Variants in CD96 observed in about 807,000 individuals in gnomAD.
The protein encoded by CD96 is CD96 molecule.
A neutral mutation model predicts 71.3 loss-of-function variants in CD96; 70 were observed. The observed-to-expected ratio is 0.98, with a 90% CI of 0.81 to 1.20. The LOEUF is 1.20. Among genes scored for constraint, CD96 ranks in the 50% most tolerant of loss-of-function variants. CD96 has a pLI of 0.00. For missense variants in CD96, 742 were observed against 677.5 expected (o/e 1.10, Z -1.06); for synonymous variants, 248 against 233.0 (o/e 1.06, Z -0.59).
intron 14 of CD96, among the ~76,000 whole-genome samples, chr3:111,664,176 A>G (rs1940425726): frequency 8.5e-6 from 1 of 117,750 alleles, no homozygotes; most frequent in South Asian, 3.0e-4. Flanking sequence ...TACCCAAAGG[A>G]AAATAAATTA....
In CD96 at chr3:111,663,752, C is replaced by CTTTT. The variant is rs57510798; in HGVS notation, c.*53-1764_*53-1761dup. On this transcript the variant is annotated intron_variant and NMD_transcript_variant, in intron 14 of 14. Transcript: ENST00000494798. The stretch of plus-strand genomic sequence containing the variant: ...TGTGAAGAAAAGAAATGCTTATACA[C>CTTTT]TTTTTTTTTTTTTTGAGATGGAGTC... 1.5e-3 allele frequency among the ~76,000 whole-genome samples: 214 copies of CTTTT among 143,084 alleles called. 8 individuals are homozygous for CTTTT. Among genetic ancestry groups the CTTTT allele is most frequent in the Non-Finnish European group, 2.3e-3 (149 of 66,116 alleles). The allele number at this position is 143,084 out of a possible 152,430, so 93.9% of individuals were successfully genotyped here.
At chr3:111,583,757 G>A (rs1343602547) in intron 4 of CD96, among the ~76,000 whole-genome samples, 1 of 152,184 alleles carries the variant, frequency 6.6e-6, no homozygotes, top group Non-Finnish European at 1.5e-5. Flanking sequence ...GGGACACAGG[G>A]CACCAAGTCC....
At chr3:111,602,836 C>T (rs1410570494) in intron 7 of CD96, among the ~76,000 whole-genome samples, 4 of 152,220 alleles carry the variant, frequency 2.6e-5, no homozygotes, top group South Asian at 4.2e-4. Flanking sequence ...ATTAGAGAAA[C>T]GCTAAGAATA....
At chr3:111,549,246 C>A (rs1934571652) in intron 2 of CD96, among the ~76,000 whole-genome samples, 1 of 150,412 alleles carries the variant, frequency 6.6e-6, no homozygotes, top group Non-Finnish European at 1.5e-5. Flanking sequence ...CAGAGCTTTA[C>A]AAAGAACAGG....
chr3:111,620,434 C>T (rs1328094702), intron 8 of CD96, among the ~76,000 whole-genome samples: 1 of 152,132 alleles, frequency 6.6e-6, no homozygotes, highest in African/African-American at 2.4e-5. Flanking sequence ...TAACCTTGAA[C>T]CACAGTGTAA....
At chr3:111,629,027 A>G (rs1357340155) in intron 10 of CD96, among the ~76,000 whole-genome samples, 2 of 152,214 alleles carry the variant, frequency 1.3e-5, no homozygotes, top group Admixed American at 1.3e-4. Context: ...TAAAAATGGA[A>G]AGGAAAGACC....
chr3:111,563,164 G>C (rs1935540441), intron 2 of CD96, among the ~76,000 whole-genome samples: 1 of 152,178 alleles, frequency 6.6e-6, no homozygotes, highest in Non-Finnish European at 1.5e-5. Context: ...ACCTCCCAAA[G>C]GTTCCACCTT....
At chr3:111,606,661 A>G in intron 7 of CD96, 39 bp from the exon 8 acceptor site, 1 of 969,328 alleles carries the variant, frequency 1.0e-6, no homozygotes, top group Non-Finnish European at 1.7e-6. Context: ...TTTGATTACA[A>G]TATTTTGTTC....
rs1377235205 is a variant in CD96 at position 111,606,808 on chromosome 3, C to T, written c.1180+16C>T. On this transcript the variant is annotated intron_variant, in intron 8 of 13. Coordinates refer to ENST00000352690, the MANE Select transcript of CD96 (RefSeq NM_005816.5). ...TCTCCTGCAAGTAAGAATGTTTTCA[C>T]ACTGAGCTATTGATTTAACCAAGCA... 3.7e-6 allele frequency: 5 copies of T among 1,365,832 alleles called. No homozygotes were observed. The allele number at this position is 1,365,832 out of a possible 1,614,324, so 84.6% of individuals were successfully genotyped here. A position where few individuals can be genotyped will look rare whatever the true frequency, so the allele number is the denominator to read the frequency against.
intron 2 of CD96, among the ~76,000 whole-genome samples, chr3:111,566,093 G>A (rs1188623147): frequency 6.7e-6 from 1 of 150,020 alleles, no homozygotes; most frequent in African/African-American, 2.4e-5. Flanking sequence ...TCCTTGATCA[G>A]AAAGACTATA....
At chr3:111,572,327 T>C (rs1936018545) in intron 3 of CD96, among the ~76,000 whole-genome samples, 1 of 152,204 alleles carries the variant, frequency 6.6e-6, no homozygotes, top group East Asian at 1.9e-4. Flanking sequence ...TGCAGTAAGC[T>C]CTCTTACCTC....
At chr3:111,571,063 G>T in intron 3 of CD96, 1 of 990,162 alleles carries the variant, frequency 1.0e-6, no homozygotes, top group Non-Finnish European at 1.6e-6. Context: ...AGGCTGTGGG[G>T]TAGGAGGTAG....
chr3:111,599,222 C>A (rs943267112), intron 6 of CD96, among the ~76,000 whole-genome samples: 1 of 152,130 alleles, frequency 6.6e-6, no homozygotes, highest in African/African-American at 2.4e-5. Flanking sequence ...CCCGCCTCAG[C>A]CTCCCAAAGT....
intron 10 of CD96, among the ~76,000 whole-genome samples, chr3:111,628,584 A>C (rs1424175002): frequency 6.6e-6 from 1 of 152,174 alleles, no homozygotes. Context: ...AATGGAACCA[A>C]CTTGGAAAAC....
intron 9 of CD96, 60 bp downstream of exon 9, chr3:111,623,882 C>T (rs1938622614): frequency 2.0e-6 from 2 of 1,005,730 alleles, no homozygotes; most frequent in Non-Finnish European, 3.2e-6. Context: ...ACAAGTTTTA[C>T]TACTGCTTCT....
Position 111,600,852 on chromosome 3 carries a change from T to C in CD96, c.1025T>C (p.Leu342Pro). The C allele has an allele frequency of 1.2e-6, 2 of 1,613,284 alleles. No homozygotes were observed. The highest frequency in any genetic ancestry group is 1.7e-6 in the Non-Finnish European group (2 of 1,179,214). The change falls in exon 7 of 14, where the codon CTG becomes CCG. Residue 342 changes from leucine to proline, a missense_variant. Physicochemically the swap from Leu to Pro is moderately conservative, Grantham distance 98. Coordinates refer to ENST00000352690, the MANE Select transcript of CD96 (RefSeq NM_005816.5). ...AACTTGACCATTTGGTGTATGGCTCTGTCTCCAGTCCCAGGAAATAAAGTG... is the reference window on the plus strand; with the variant it reads ...AACTTGACCATTTGGTGTATGGCTCCGTCTCCAGTCCCAGGAAATAAAGTG... ...SDNLTIWCMALSPVPGNKVWN... is the reference protein window; with the variant it reads ...SDNLTIWCMAPSPVPGNKVWN...
intron 8 of CD96, among the ~76,000 whole-genome samples, chr3:111,623,272 A>G (rs1405160670): frequency 1.3e-5 from 2 of 152,196 alleles, no homozygotes; most frequent in African/African-American, 2.4e-5. Flanking sequence ...GGGAAGGAAG[A>G]GAATGTAACA....
intron 9 of CD96, 100 bp from the exon 10 acceptor site, chr3:111,624,233 T>A: frequency 1.2e-6 from 1 of 828,406 alleles, no homozygotes; most frequent in African/African-American, 1.7e-5. Context: ...AATTTCAGAT[T>A]TCCCCAAAGT....
At chr3:111,623,881 ACT>A (rs1349018805) in intron 9 of CD96, 59 bp downstream of exon 9, 1 of 1,027,990 alleles carries the variant, frequency 9.7e-7, no homozygotes, top group African/African-American at 1.6e-5. Context: ...CACAAGTTTT[ACT>A]ACTGCTTCTA....
Sources: allele counts gnomAD v4.1 joint callset (sites outside exome capture counted in the v4.1 genomes callset), GRCh38; gene constraint gnomAD v4.1.1; transcripts MANE v1.5; gene names NCBI Gene and HGNC (gene_info 2026-07-23, HGNC 2026-07-21).